PTK2B: variants seen among roughly 807,000 people sequenced by gnomAD.
PTK2B encodes protein tyrosine kinase 2 beta.
PTK2B carries 71 observed loss-of-function variants against 142.9 expected under a neutral mutation model. The observed-to-expected ratio is 0.50, with a 90% confidence interval of 0.41 to 0.61. PTK2B has a LOEUF of 0.61. PTK2B is among the 20% of genes least tolerant of loss of function. PTK2B has a pLI of 0.00. For missense variants in PTK2B, 1,105 were observed against 1,320.4 expected (o/e 0.84, Z 2.53); for synonymous variants, 519 against 503.4 (o/e 1.03, Z -0.42).
intron 1 of PTK2B, among the ~76,000 whole-genome samples, chr8:27,374,220 G>A (rs994498839): frequency 6.6e-6 from 1 of 152,238 alleles, no homozygotes; most frequent in Non-Finnish European, 1.5e-5. Context: ...GGCACACAAA[G>A]TAGACTGGCA....
At chr8:27,431,668 A>C (rs1378502552) in intron 9 of PTK2B, among the ~76,000 whole-genome samples, 196 bp downstream of exon 9, 1 of 152,248 alleles carries the variant, frequency 6.6e-6, no homozygotes. Context: ...GGCCCTTTAC[A>C]TCCCTGTGAC....
intron 13 of PTK2B, 98 bp from the exon 14 acceptor site, chr8:27,435,645 G>A: frequency 6.9e-7 from 1 of 1,440,654 alleles, no homozygotes; most frequent in Non-Finnish European, 9.7e-7. Context: ...TACCCCCTTG[G>A]GCTCCACTGG....
chr8:27,377,314 C>T (rs73681110), intron 1 of PTK2B, among the ~76,000 whole-genome samples: 7 of 152,142 alleles, frequency 4.6e-5, no homozygotes, highest in African/African-American at 1.2e-4. Flanking sequence ...TAGTTTACCA[C>T]GTACATGATG....
chr8:27,427,217 G>A (rs916197661), intron 5 of PTK2B, among the ~76,000 whole-genome samples: 11 of 152,134 alleles, frequency 7.2e-5, no homozygotes, highest in African/African-American at 1.9e-4. Flanking sequence ...AAACCTCAGC[G>A]TGAGCCTATG....
intron 5 of PTK2B, among the ~76,000 whole-genome samples, chr8:27,426,919 G>A (rs1364216386): frequency 1.3e-5 from 2 of 152,106 alleles, no homozygotes; most frequent in Non-Finnish European, 2.9e-5. Context: ...AGCTAACCCT[G>A]TTTTAAAAAA....
intron 26 of PTK2B, 111 bp from the exon 27 acceptor site, chr8:27,451,374 G>T (rs1174394464): frequency 2.3e-5 from 36 of 1,533,134 alleles, no homozygotes; most frequent in Non-Finnish European, 3.2e-5. Context: ...CGACCCCATG[G>T]CTGTAATCTC....
At chr8:27,435,216 CT>C (rs1229789304) in intron 13 of PTK2B, among the ~76,000 whole-genome samples, 8 of 152,308 alleles carry the variant, frequency 5.3e-5, no homozygotes, top group Admixed American at 5.2e-4. Context: ...GATAGCTATC[CT>C]TTCACTGTGG....
Position 27,454,527 on chromosome 8 carries a change from C to G in PTK2B, c.2734-4C>G, listed in dbSNP as rs184516987. On this transcript the variant is annotated splice_region_variant and splice_polypyrimidine_tract_variant and intron_variant, in intron 29 of 30. Transcript: ENST00000346049. ...GCGGCCATCCTGCCCCTTTCTCCCC[C>G]CAGAATGTGGGGCTGACCCTGCGGA... 35 of 1,614,044 alleles carry G rather than the reference C, an allele frequency of 2.2e-5. No individual in the cohort carries two copies. The African/African-American group carries it at 2.3e-4, about 10-fold the overall frequency.
chr8:27,442,421 C>T (rs1239388390), intron 21 of PTK2B, among the ~76,000 whole-genome samples: 1 of 152,150 alleles, frequency 6.6e-6, no homozygotes, highest in Admixed American at 6.5e-5. Context: ...AACCCACATG[C>T]CTCATTAGCA....
intron 20 of PTK2B, 117 bp from the exon 21 acceptor site, chr8:27,440,120 G>A: frequency 1.9e-6 from 2 of 1,031,178 alleles, no homozygotes; most frequent in South Asian, 1.5e-5. Context: ...TGCTGGAGGA[G>A]GAGGAGGGAC....
In PTK2B at chr8:27,350,745, G is replaced by A. The variant is rs6987465; in HGVS notation, c.-38+25064G>A. On this transcript the variant is annotated intron_variant, in intron 1 of 30. Transcript: ENST00000346049. The stretch of plus-strand genomic sequence containing the variant: ...TGTAATCCCAGCACTTTGGGAGGCC[G>A]AGGCAGGTCATCACCTGAGGTTAGG... Among the ~76,000 whole-genome samples the A allele has an allele frequency of 4.6e-5, 7 of 150,992 alleles. No individual in the cohort carries two copies. In the South Asian group the frequency reaches 1.3e-3, roughly 27 times the overall value.
intron 15 of PTK2B, among the ~76,000 whole-genome samples, chr8:27,436,561 C>G (rs958497262): frequency 2.3e-4 from 35 of 151,514 alleles, no homozygotes; most frequent in Admixed American, 2.0e-3. Flanking sequence ...AGCAAAATAC[C>G]AGGGGTGGAG....
At chr8:27,338,100 G>A (rs1029462802) in intron 1 of PTK2B, among the ~76,000 whole-genome samples, 8 of 152,064 alleles carry the variant, frequency 5.3e-5, no homozygotes, top group East Asian at 1.9e-4. Flanking sequence ...TTTCAGTTGC[G>A]TTTCCCTGAT....
At chr8:27,358,459 T>C (rs1025598106) in intron 1 of PTK2B, among the ~76,000 whole-genome samples, 9 of 152,222 alleles carry the variant, frequency 5.9e-5, no homozygotes, top group African/African-American at 1.9e-4. Flanking sequence ...TTTCTTCAAA[T>C]CTTATTTGCT....
At chr8:27,393,862 A>G (rs1807878556) in intron 1 of PTK2B, among the ~76,000 whole-genome samples, 1 of 152,082 alleles carries the variant, frequency 6.6e-6, no homozygotes, top group East Asian at 1.9e-4. Flanking sequence ...AAAGATGTCC[A>G]GGGGCCTCAG....
chr8:27,451,169 C>G (rs73225352), intron 26 of PTK2B, 91 bp downstream of exon 26: 20,764 of 1,416,008 alleles, frequency 0.015, 183 homozygotes, highest in Non-Finnish European at 0.017. Flanking sequence ...GCTCCTACCC[C>G]CAGGCCTGCC....
At chr8:27,389,692 C>A (rs1037845613) in intron 1 of PTK2B, among the ~76,000 whole-genome samples, 1 of 152,232 alleles carries the variant, frequency 6.6e-6, no homozygotes, top group Admixed American at 6.5e-5. Flanking sequence ...TCAATTATAG[C>A]TGGCAATAAT....
intron 28 of PTK2B, 148 bp from the exon 29 acceptor site, chr8:27,454,006 C>T (rs923347486): frequency 9.6e-6 from 11 of 1,147,160 alleles, no homozygotes; most frequent in Middle Eastern, 4.7e-4. Flanking sequence ...AGGCAATGCA[C>T]CCCGGGACAG....
upstream of PTK2B, among the ~76,000 whole-genome samples, chr8:27,323,982 C>T (rs1057335417): frequency 1.3e-5 from 2 of 152,152 alleles, no homozygotes; most frequent in Non-Finnish European, 2.9e-5. Flanking sequence ...TTTTAGTTCC[C>T]ACTGCCACCT....
Sources: gnomAD v4.1 joint callset for allele counts (sites outside exome capture counted in the v4.1 genomes callset) on GRCh38, gnomAD v4.1.1 for gene constraint, MANE v1.5 for transcripts, NCBI Gene and HGNC (gene_info 2026-07-23, HGNC 2026-07-21) for gene names.